Variants in KIZ observed in about 807,000 individuals in gnomAD.
KIZ encodes centrosomal protein kizuna.
In KIZ, 68 loss-of-function variants were observed where a neutral mutation model predicts 79.6. That is an observed-to-expected ratio of 0.85 (90% CI 0.70 to 1.05). KIZ has a LOEUF of 1.05. KIZ is among the 50% of genes least tolerant of loss of function. The pLI, the probability that KIZ is intolerant of heterozygous loss-of-function variation, is 0.00. For synonymous variants in KIZ, 280 were observed against 281.8 expected, an observed-to-expected ratio of 0.99 and a Z score of 0.06; for missense variants, 797 against 800.4, an observed-to-expected ratio of 1.00 and a Z score of 0.05.
intron 2 of KIZ, among the ~76,000 whole-genome samples, chr20:21,133,495 C>G (rs2031979306): frequency 6.6e-6 from 1 of 152,210 alleles, no homozygotes; most frequent in African/African-American, 2.4e-5. Context: ...TCCTGGCCTT[C>G]TGGTGGTGGG....
intron 11 of KIZ, among the ~76,000 whole-genome samples, chr20:21,241,248 GA>G (rs1034898647): frequency 8.5e-5 from 13 of 152,056 alleles, no homozygotes; most frequent in Non-Finnish European, 1.9e-4. Context: ...ATGACCTAGA[GA>G]AAAAAATGTT....
chr20:21,153,263 A>G (rs1325190910), intron 4 of KIZ, among the ~76,000 whole-genome samples: 1 of 152,142 alleles, frequency 6.6e-6, no homozygotes. Flanking sequence ...GGGTAGCCTT[A>G]CTTTGATCCT....
intron 4 of KIZ, chr20:21,160,997 A>G (rs2033626889): frequency 6.6e-6 from 1 of 152,322 alleles, no homozygotes; most frequent in African/African-American, 2.4e-5. Flanking sequence ...TGGTATTGTT[A>G]TAGCAGCCTG....
chr20:21,193,208 A>T (rs576288517), intron 6 of KIZ, among the ~76,000 whole-genome samples: 18 of 152,288 alleles, frequency 1.2e-4, no homozygotes, highest in African/African-American at 4.1e-4. Context: ...CCATTTTGAG[A>T]TTGCTATTCC....
intron 4 of KIZ, among the ~76,000 whole-genome samples, chr20:21,146,994 C>G (rs953906587): frequency 6.6e-6 from 1 of 152,134 alleles, no homozygotes; most frequent in Non-Finnish European, 1.5e-5. Flanking sequence ...TTAGAGCATT[C>G]AGGCAGTTTT....
intron 12 of KIZ, chr20:21,245,579 A>T (rs1432315302): frequency 1.3e-5 from 2 of 152,236 alleles, no homozygotes; most frequent in Non-Finnish European, 1.5e-5. Context: ...GAGTTAAGGG[A>T]TTGTTGATGT....
chr20:21,206,002 T>C (rs896894519), intron 7 of KIZ, among the ~76,000 whole-genome samples: 9 of 152,166 alleles, frequency 5.9e-5, no homozygotes, highest in African/African-American at 2.2e-4. Flanking sequence ...GGAAATGTTA[T>C]GTATTTGAAA....
intron 6 of KIZ, among the ~76,000 whole-genome samples, chr20:21,205,019 T>C (rs1188856987): frequency 6.6e-6 from 1 of 152,222 alleles, no homozygotes; most frequent in East Asian, 1.9e-4. Context: ...GGCTCACCCC[T>C]GTAATCTCAG....
At chr20:21,243,944 G>A (rs980907846) in intron 11 of KIZ, among the ~76,000 whole-genome samples, 14 of 152,154 alleles carry the variant, frequency 9.2e-5, no homozygotes, top group African/African-American at 1.2e-4. Flanking sequence ...GGGAACATGC[G>A]ATCATCCTCC....
intron 2 of KIZ, among the ~76,000 whole-genome samples, chr20:21,136,152 T>TTA (rs2032173407): frequency 1.3e-5 from 2 of 152,200 alleles, no homozygotes; most frequent in Admixed American, 1.3e-4. Context: ...GAATGTGGTC[T>TTA]TATATATATT....
chr20:21,171,242 G>A (rs2034193009), intron 6 of KIZ, among the ~76,000 whole-genome samples: 1 of 152,122 alleles, frequency 6.6e-6, no homozygotes, highest in African/African-American at 2.4e-5. Flanking sequence ...TTGATGAGAT[G>A]TCTGTTCAGA....
intron 2 of KIZ, among the ~76,000 whole-genome samples, chr20:21,133,545 C>T (rs992820864): frequency 4.6e-5 from 7 of 152,218 alleles, no homozygotes; most frequent in Admixed American, 1.3e-4. Context: ...TTTTACCAAG[C>T]CGTCAGTTCA....
At chr20:21,217,616 C>T (rs1376494556) in intron 9 of KIZ, among the ~76,000 whole-genome samples, 1 of 152,194 alleles carries the variant, frequency 6.6e-6, no homozygotes, top group Non-Finnish European at 1.5e-5. Flanking sequence ...TCAGTGTCAG[C>T]TCTTTTACTC....
chr20:21,223,619 A>T (rs1050216300), intron 9 of KIZ, among the ~76,000 whole-genome samples: 2 of 144,964 alleles, frequency 1.4e-5, no homozygotes, highest in Admixed American at 6.9e-5. Context: ...ACTTTTCTGT[A>T]TTTTCAGAAT....
rs1365778996 is a variant in KIZ, at chr20:21,234,891, C to CA, written c.1880+2066dup. 3.9e-5 allele frequency among the ~76,000 whole-genome samples: 6 copies of CA among 152,062 alleles called. No homozygotes were observed. In the East Asian group the frequency reaches 5.8e-4, roughly 15 times the overall value. On this transcript the variant is annotated intron_variant, in intron 11 of 12. Transcript: ENST00000619189. Reference sequence around the variant, plus strand: ...TTACTTTAAAGCAGCGGCTTGGGCGCAAAAATGCATTTATAGCTCTTTGTC... The same window carrying CA: ...TTACTTTAAAGCAGCGGCTTGGGCGCAAAAAATGCATTTATAGCTCTTTGTC...
At chr20:21,242,433 TG>T (rs2123516682) in intron 11 of KIZ, among the ~76,000 whole-genome samples, 1 of 152,194 alleles carries the variant, frequency 6.6e-6, no homozygotes, top group South Asian at 2.1e-4. Flanking sequence ...GGGGACAAGA[TG>T]AGTGTGTGTC....
chr20:21,169,085 G>A (rs549260755), intron 6 of KIZ, among the ~76,000 whole-genome samples: 3 of 152,222 alleles, frequency 2.0e-5, no homozygotes, highest in African/African-American at 2.4e-5. Context: ...TGACAAATGG[G>A]ATCTAATTAA....
chr20:21,134,728 G>A (rs907987274), intron 2 of KIZ, among the ~76,000 whole-genome samples: 6 of 146,720 alleles, frequency 4.1e-5, no homozygotes, highest in South Asian at 2.2e-4. Flanking sequence ...GTGCAGTGGT[G>A]TGATCTCGGC....
chr20:21,132,280 T>A (rs1600344936), intron 2 of KIZ, 121 bp downstream of exon 2: 1 of 577,328 alleles, frequency 1.7e-6, no homozygotes, highest in East Asian at 3.2e-5. Flanking sequence ...TTTGTTTTGT[T>A]TAGTTTTTTT....
Sources: gnomAD v4.1 joint callset for allele counts (sites outside exome capture counted in the v4.1 genomes callset) on GRCh38, gnomAD v4.1.1 for gene constraint, MANE v1.5 for transcripts, NCBI Gene and HGNC (gene_info 2026-07-23, HGNC 2026-07-21) for gene names.